MS4A15: variants seen among roughly 807,000 people sequenced by gnomAD.
MS4A15 encodes the protein membrane-spanning 4-domains subfamily A member 15.
A neutral mutation model predicts 20.6 loss-of-function variants in MS4A15; 22 were observed. The observed-to-expected ratio is 1.07, with a 90% confidence interval of 0.76 to 1.52. The LOEUF is 1.52. MS4A15 is among the 40% of genes most tolerant of loss of function. MS4A15 has a pLI of 0.00. For missense variants in MS4A15, 312 were observed against 323.0 expected, an observed-to-expected ratio of 0.97 and a Z score of 0.26; for synonymous variants, 129 against 129.3, an observed-to-expected ratio of 1.00 and a Z score of 0.02.
Position 60,771,283 on chromosome 11 carries a change from C to G in MS4A15, c.349-8C>G, listed in dbSNP as rs1334919260. 1.2e-6 allele frequency: 2 copies of G among 1,613,664 alleles called. No individual in the cohort carries two copies. The highest frequency in any genetic ancestry group is 1.1e-5 in the South Asian group (1 of 91,014). ...TGAGGCCTCACCTGGTCCCCTCTCC[C>G]CATACAGTTCATCATCTCCGGATCC... On this transcript the variant is annotated splice_polypyrimidine_tract_variant and splice_region_variant and intron_variant, in intron 3 of 6. Transcript: ENST00000405633.
chr11:60,762,234 ACT>A (rs1191323958), intron 1 of MS4A15, among the ~76,000 whole-genome samples: 3 of 152,112 alleles, frequency 2.0e-5, no homozygotes, highest in Non-Finnish European at 4.4e-5. Flanking sequence ...TAATCAAACT[ACT>A]CTGTCTCACC....
At position 60,768,809 on chromosome 11, in the gene MS4A15, G is replaced by T. The variant is rs139109777; in HGVS notation, c.348+1154G>T. Among the ~76,000 whole-genome samples the T allele has an allele frequency of 2.7e-3, 406 of 152,324 alleles. 3 individuals carry two copies. Among genetic ancestry groups the T allele is most frequent in the African/African-American group, 8.9e-3 (371 of 41,566 alleles). On this transcript the variant is annotated intron_variant, in intron 3 of 6. Coordinates refer to ENST00000405633, the MANE Select transcript of MS4A15 (RefSeq NM_001098835.2). ...TTTTTCGAGAGAAAGCCAGAGATTT[G>T]CATAAAAGGGGTCTCCATTGTGTGA... is the stretch of plus-strand genomic sequence containing the variant.
intron 3 of MS4A15, among the ~76,000 whole-genome samples, chr11:60,770,547 G>A (rs1217872416): frequency 4.7e-5 from 7 of 150,484 alleles, no homozygotes; most frequent in Non-Finnish European, 8.9e-5. Context: ...GCAGTGAGCC[G>A]AGATCATGCC....
chr11:60,765,576 A>C (rs1853863961), intron 2 of MS4A15, among the ~76,000 whole-genome samples: 1 of 152,178 alleles, frequency 6.6e-6, no homozygotes, highest in Admixed American at 6.5e-5. Flanking sequence ...TACGAAACTG[A>C]GGTTTCTTAA....
At chr11:60,759,454 C>T (rs1437817269) in intron 1 of MS4A15, among the ~76,000 whole-genome samples, 5 of 152,230 alleles carry the variant, frequency 3.3e-5, no homozygotes, top group African/African-American at 1.2e-4. Context: ...TCCAAGGTTT[C>T]CCCCGACTGA....
rs780673304 is a variant in MS4A15 at position 60,775,645 on chromosome 11, A to T, written c.653A>T (p.Asn218Ile). The T allele has an allele frequency of 6.2e-7, 1 of 1,613,884 alleles. No individual in the cohort carries two copies. The highest frequency in any genetic ancestry group is 2.2e-5 in the East Asian group (1 of 44,898). Residue 218 changes from asparagine (N) to isoleucine (I), a missense_variant, in exon 7 of 7, where the codon AAC (asparagine) becomes ATC (isoleucine). Coordinates refer to ENST00000405633, the MANE Select transcript of MS4A15 (RefSeq NM_001098835.2). ...CCAAACGCCTTCAGCGCAGACTTCA[A>T]CATCCCCAGCCCGGCAGCCTCTGCG... Reference protein sequence around the residue: ...FLPNAFSADFNIPSPAASAPP... With the variant: ...FLPNAFSADFIIPSPAASAPP...
intron 1 of MS4A15, among the ~76,000 whole-genome samples, 181 bp downstream of exon 1, chr11:60,757,239 C>G (rs1233971342): frequency 1.3e-5 from 2 of 152,266 alleles, no homozygotes; most frequent in Non-Finnish European, 2.9e-5. Flanking sequence ...ACGCTATGAT[C>G]TTAATTCGGC....
At chr11:60,761,974 T>C (rs990813411) in intron 1 of MS4A15, among the ~76,000 whole-genome samples, 6 of 152,208 alleles carry the variant, frequency 3.9e-5, no homozygotes, top group Non-Finnish European at 7.3e-5. Flanking sequence ...GTGCAGAATT[T>C]TGGCTGCCTG....
chr11:60,764,682 A>T (rs1853837023), intron 2 of MS4A15, among the ~76,000 whole-genome samples: 1 of 152,184 alleles, frequency 6.6e-6, no homozygotes, highest in Non-Finnish European at 1.5e-5. Flanking sequence ...AGGCCGAGGC[A>T]GGCAGATCAT....
chr11:60,757,600 T>C (rs1462260957), intron 1 of MS4A15, among the ~76,000 whole-genome samples: 1 of 152,128 alleles, frequency 6.6e-6, no homozygotes, highest in African/African-American at 2.4e-5. Context: ...CGGAGCCTTT[T>C]CCTCCCCCTA....
intron 3 of MS4A15, among the ~76,000 whole-genome samples, chr11:60,771,072 T>G (rs1340169179): frequency 6.6e-6 from 1 of 152,210 alleles, no homozygotes; most frequent in Non-Finnish European, 1.5e-5. Flanking sequence ...GAGGCCCTGA[T>G]GATATGACGT....
At chr11:60,772,804 C>A (rs777360070) in intron 4 of MS4A15, among the ~76,000 whole-genome samples, 1 of 152,164 alleles carries the variant, frequency 6.6e-6, no homozygotes, top group Non-Finnish European at 1.5e-5. Flanking sequence ...GCCCTGCACG[C>A]TCTTTAGACC....
chr11:60,768,821 T>C (rs1266799029), intron 3 of MS4A15, among the ~76,000 whole-genome samples: 1 of 151,968 alleles, frequency 6.6e-6, no homozygotes, highest in Non-Finnish European at 1.5e-5. Flanking sequence ...ATAAAAGGGG[T>C]CTCCATTGTG....
In MS4A15 at chr11:60,775,636, C is replaced by T. The variant is rs1257632743; in HGVS notation, c.644C>T (p.Ala215Val). The change falls in exon 7 of 7, where the codon GCA (alanine) becomes GTA (valine). Residue 215 changes from alanine to valine, a missense_variant. Physicochemically the swap from Ala to Val is moderately conservative, Grantham distance 64. Coordinates refer to ENST00000405633, the MANE Select transcript of MS4A15 (RefSeq NM_001098835.2). ...ATCTTCCTGCCAAACGCCTTCAGCG[C>T]AGACTTCAACATCCCCAGCCCGGCA... ...PVIFLPNAFS[A>V]DFNIPSPAAS... The T allele has an allele frequency of 6.2e-7, 1 of 1,614,014 alleles. No homozygotes were observed. The highest frequency in any genetic ancestry group is 1.1e-5 in the South Asian group (1 of 91,080).
Position 60,775,745 on chromosome 11 carries a change from C to A in MS4A15, c.*30C>A. On this transcript the variant is annotated 3_prime_UTR_variant, in exon 7 of 7. Coordinates refer to ENST00000405633, the MANE Select transcript of MS4A15 (RefSeq NM_001098835.2). ...CAGATGTGGCACCTGCGGGTGGAGT[C>A]CAGCCTTTTCCCTCTGGGCCCAGCC... 1 of 1,572,120 alleles carries A rather than the reference C, an allele frequency of 6.4e-7. No individual in the cohort carries two copies. Among genetic ancestry groups the A allele is most frequent in the South Asian group, 1.1e-5 (1 of 89,704 alleles).
intron 3 of MS4A15, among the ~76,000 whole-genome samples, chr11:60,769,013 C>T (rs568941233): frequency 2.0e-5 from 3 of 152,258 alleles, no homozygotes; most frequent in South Asian, 4.2e-4. Flanking sequence ...TGAATGGTCC[C>T]CCTGACCTGA....
intron 4 of MS4A15, chr11:60,771,549 C>T: frequency 6.5e-7 from 1 of 1,531,282 alleles, no homozygotes; most frequent in Non-Finnish European, 8.7e-7. Flanking sequence ...GATACTCTTT[C>T]AATACACAAG....
intron 1 of MS4A15, among the ~76,000 whole-genome samples, chr11:60,760,073 A>G (rs1020338576): frequency 5.3e-5 from 8 of 152,230 alleles, no homozygotes; most frequent in Non-Finnish European, 8.8e-5. Context: ...CTGACGAGAA[A>G]TACCCACAGG....
chr11:60,774,072 G>A lies in MS4A15; in HGVS notation c.612+122G>A, dbSNP rs1186985822. On this transcript the variant is annotated intron_variant, in intron 6 of 6. Coordinates refer to ENST00000405633, the MANE Select transcript of MS4A15 (RefSeq NM_001098835.2). ...CCCTCTGCACTCTGGGAAGCAATAA[G>A]AAGAGACAGCGCTAGGAAGGGTGTC... 2.2e-5 allele frequency: 16 copies of A among 737,686 alleles called. No individual in the cohort carries two copies. In the Admixed American group the frequency reaches 3.1e-4, roughly 14 times the overall value. 45.7% of individuals were successfully genotyped at this position (737,686 alleles called of 1,614,324 possible).
Sources: allele counts gnomAD v4.1 joint callset (sites outside exome capture counted in the v4.1 genomes callset), GRCh38; gene constraint gnomAD v4.1.1; transcripts MANE v1.5; gene names NCBI Gene and HGNC (gene_info 2026-07-23, HGNC 2026-07-21).